TERB2: variants seen among roughly 807,000 people sequenced by gnomAD.
TERB2 encodes telomere repeats-binding bouquet formation protein 2.
TERB2 carries 26 observed loss-of-function variants against 29.8 expected under a neutral mutation model. The ratio of observed to expected loss-of-function variants is 0.87; its 90% CI spans 0.64 to 1.21. The LOEUF is 1.21. Among genes scored for constraint, TERB2 ranks in the 50% most tolerant of loss-of-function variants. The probability of loss-of-function intolerance (pLI) is 0.00; values close to 1 mark genes in which losing one functional copy is unlikely to be tolerated. For synonymous variants in TERB2, 80 were observed against 90.8 expected (o/e 0.88, Z 0.68); for missense variants, 240 against 268.6 (o/e 0.89, Z 0.74).
chr15:44,969,054 C>G (rs1402980266), intron 5 of TERB2, among the ~76,000 whole-genome samples: 2 of 151,978 alleles, frequency 1.3e-5, no homozygotes, highest in Non-Finnish European at 1.5e-5. Context: ...ACCTCAGCCT[C>G]CTGAGTAGCT....
At position 44,956,781 on chromosome 15, in the gene TERB2, G is replaced by C; in HGVS notation, c.63G>C (p.Trp21Cys). Residue 21 changes from tryptophan to cysteine, a missense_variant and splice_region_variant, in exon 1 of 7, where the codon TGG (tryptophan) becomes TGC (cysteine). Trp to Cys is a radical substitution (Grantham distance 215). Coordinates refer to ENST00000340827, the MANE Select transcript of TERB2 (RefSeq NM_152448.3). Reference protein sequence around the residue: ...GSVSQDLRQFWVAEGGTISDP... With the variant: ...GSVSQDLRQFCVAEGGTISDP... ...TTAGCCAGGATCTGAGGCAATTCTG[G>C]GGTAGGAAGCTGAGTGGAAGCAGCG... is the stretch of plus-strand genomic sequence containing the variant. The C allele has an allele frequency of 1.2e-6, 2 of 1,613,894 alleles. No homozygotes were observed. Among genetic ancestry groups the C allele is most frequent in the African/African-American group, 1.3e-5 (1 of 75,026 alleles).
At chr15:44,974,477 C>A (rs1892014984) in intron 6 of TERB2, among the ~76,000 whole-genome samples, 1 of 152,260 alleles carries the variant, frequency 6.6e-6, no homozygotes, top group East Asian at 1.9e-4. Context: ...GCCCAGAAGC[C>A]TATACATGGA....
At chr15:44,971,255 A>T (rs1295446466) in intron 5 of TERB2, 1 of 152,326 alleles carries the variant, frequency 6.6e-6, no homozygotes, top group African/African-American at 2.4e-5. Flanking sequence ...GTTGCCAGGG[A>T]TCATCACGGG....
intron 4 of TERB2, among the ~76,000 whole-genome samples, chr15:44,963,436 C>T (rs418324): frequency 2.0e-5 from 3 of 152,110 alleles, no homozygotes; most frequent in East Asian, 1.9e-4. Flanking sequence ...ATTAACCGAC[C>T]TGGACTCTAA....
intron 5 of TERB2, among the ~76,000 whole-genome samples, chr15:44,971,832 C>T (rs548071879): frequency 6.6e-6 from 1 of 151,732 alleles, no homozygotes; most frequent in East Asian, 1.9e-4. Context: ...CATCCCCCCC[C>T]CTCCTTTTTT....
At chr15:44,957,062 G>T in intron 2 of TERB2, 85 bp downstream of exon 2, 1 of 1,399,626 alleles carries the variant, frequency 7.1e-7, no homozygotes, top group South Asian at 1.2e-5. Flanking sequence ...AATAAATATT[G>T]ATGAGGCTGG....
chr15:44,966,005 T>G (rs1891882958), intron 4 of TERB2, among the ~76,000 whole-genome samples, 153 bp from the exon 5 acceptor site: 1 of 152,130 alleles, frequency 6.6e-6, no homozygotes, highest in African/African-American at 2.4e-5. Flanking sequence ...TAAATTTTCT[T>G]CACTCAGCTA....
chr15:44,962,842 G>T (rs1364104549), intron 4 of TERB2: 1 of 152,172 alleles, frequency 6.6e-6, no homozygotes, highest in Non-Finnish European at 1.5e-5. Context: ...GCTTGCTTCG[G>T]CAGCACACAT....
At chr15:44,977,495 T>C (rs577654031) in intron 6 of TERB2, among the ~76,000 whole-genome samples, 3,392 of 152,272 alleles carry the variant, frequency 0.022, 44 homozygotes, top group Non-Finnish European at 0.033. Context: ...TCTGCACTAG[T>C]TTATTTTACA....
At chr15:44,968,752 CCACCA>C (rs1356579945) in intron 5 of TERB2, among the ~76,000 whole-genome samples, 1 of 151,930 alleles carries the variant, frequency 6.6e-6, no homozygotes, top group East Asian at 1.9e-4. Flanking sequence ...CAGGCATGAG[CCACCA>C]CACCTGGCCT....
chr15:44,956,912 G>T lies in TERB2; in HGVS notation c.81G>T (p.Thr27=). The part of the protein sequence containing the change: ...LRQFWVAEGG[T]ISDPRAADFL... ...CCTCCACAGTGGCTGAAGGGGGAAC[G>T]ATCAGTGACCCGCGAGCCGCCGACT... is the stretch of plus-strand genomic sequence containing the variant. The change falls in exon 2 of 7, where the codon ACG becomes ACT. Residue 27 remains threonine (T), a synonymous_variant. Coordinates refer to ENST00000340827, the MANE Select transcript of TERB2 (RefSeq NM_152448.3). 1 of 1,614,044 alleles carries T rather than the reference G, an allele frequency of 6.2e-7. No homozygotes were observed. Among genetic ancestry groups the T allele is most frequent in the Non-Finnish European group, 8.5e-7 (1 of 1,179,982 alleles).
chr15:44,972,092 T>C (rs1183327656), intron 5 of TERB2, among the ~76,000 whole-genome samples: 2 of 146,502 alleles, frequency 1.4e-5, no homozygotes, highest in Non-Finnish European at 3.0e-5. Flanking sequence ...CAGGTTCAAG[T>C]GATTCTCCTG....
chr15:44,974,563 C>T (rs1341718037), intron 6 of TERB2, among the ~76,000 whole-genome samples: 4 of 152,216 alleles, frequency 2.6e-5, no homozygotes, highest in Non-Finnish European at 4.4e-5. Flanking sequence ...CAACTAACCA[C>T]GGCTGACATT....
intron 4 of TERB2, among the ~76,000 whole-genome samples, chr15:44,961,916 TC>T (rs1402858550): frequency 2.0e-5 from 3 of 152,144 alleles, no homozygotes; most frequent in African/African-American, 7.2e-5. Flanking sequence ...GCCAGGCTGT[TC>T]TCGAACTCTG....
intron 3 of TERB2, among the ~76,000 whole-genome samples, chr15:44,960,994 A>G (rs1891792220): frequency 6.6e-6 from 1 of 151,192 alleles, no homozygotes; most frequent in Non-Finnish European, 1.5e-5. Flanking sequence ...TACATCTAAT[A>G]TATATCTAAT....
Position 44,958,590 on chromosome 15 carries a change from G to A in TERB2, c.286+78G>A, listed in dbSNP as rs751045805. The stretch of plus-strand genomic sequence containing the variant: ...CTCTGTTAAACAGCCAAATTCAACT[G>A]TACTTATTTTGTTCTCAGTCACATA... On this transcript the variant is annotated intron_variant, in intron 3 of 6. Transcript: ENST00000340827. The A allele has an allele frequency of 3.0e-5, 41 of 1,383,900 alleles. No individual in the cohort carries two copies. The Middle Eastern group carries it at 9.7e-4, about 33-fold the overall frequency. 85.7% of individuals were successfully genotyped at this position (1,383,900 alleles called of 1,614,324 possible). A position where few individuals can be genotyped will look rare whatever the true frequency, so the allele number is the denominator to read the frequency against.
chr15:44,970,530 T>A (rs926778530), intron 5 of TERB2: 30 of 168,966 alleles, frequency 1.8e-4, no homozygotes, highest in African/African-American at 6.7e-4. Flanking sequence ...CCAGTATACA[T>A]TCTGTGTATT....
intron 5 of TERB2, among the ~76,000 whole-genome samples, chr15:44,969,824 A>G (rs1891942686): frequency 6.6e-6 from 1 of 151,582 alleles, no homozygotes; most frequent in African/African-American, 2.4e-5. Context: ...TTAGTAGCAT[A>G]TATCTGTTTC....
At chr15:44,959,330 G>T (rs188513812) in intron 3 of TERB2, among the ~76,000 whole-genome samples, 1 of 151,822 alleles carries the variant, frequency 6.6e-6, no homozygotes, top group Non-Finnish European at 1.5e-5. Context: ...TTCTTATACC[G>T]TTCTTCTACC....
Sources: gnomAD v4.1 joint callset for allele counts (sites outside exome capture counted in the v4.1 genomes callset) on GRCh38, gnomAD v4.1.1 for gene constraint, MANE v1.5 for transcripts, NCBI Gene and HGNC (gene_info 2026-07-23, HGNC 2026-07-21) for gene names.